TIMM23: variants seen among roughly 807,000 people sequenced by gnomAD.
TIMM23 encodes translocase of inner mitochondrial membrane 23.
A neutral mutation model predicts 30.7 loss-of-function variants in TIMM23; 19 were observed. The observed-to-expected ratio is 0.62, with a 90% CI of 0.43 to 0.91. The LOEUF (loss-of-function observed/expected upper bound fraction) is 0.91, where lower values mean the gene tolerates loss of function less well. Among genes scored for constraint, TIMM23 ranks in the 40% least tolerant of loss-of-function variants. The pLI is 0.00. For synonymous variants in TIMM23, 78 were observed against 98.5 expected, an observed-to-expected ratio of 0.79 and a Z score of 1.23; for missense variants, 202 against 269.2, an observed-to-expected ratio of 0.75 and a Z score of 1.75.
intron 6 of TIMM23, among the ~76,000 whole-genome samples, chr10:45,993,000 A>G (rs1355864773): frequency 6.6e-6 from 1 of 152,108 alleles, no homozygotes; most frequent in East Asian, 1.9e-4. Context: ...TCCTAGAACA[A>G]TCCTTCCAGA....
At chr10:45,989,557 T>A (rs1283125753) in intron 6 of TIMM23, among the ~76,000 whole-genome samples, 19 of 152,218 alleles carry the variant, frequency 1.2e-4, no homozygotes, top group African/African-American at 4.6e-4. Flanking sequence ...TATAAGATTC[T>A]TTTCTGTATT....
intron 3 of TIMM23, 72 bp from the exon 4 acceptor site, chr10:45,982,774 G>A: frequency 6.2e-6 from 10 of 1,606,012 alleles, no homozygotes; most frequent in Non-Finnish European, 8.5e-6. Flanking sequence ...CAGAAGTGTA[G>A]TTATGCAGAT....
intron 4 of TIMM23, among the ~76,000 whole-genome samples, chr10:45,984,184 T>A (rs1426771377): frequency 7.2e-5 from 11 of 152,180 alleles, no homozygotes; most frequent in African/African-American, 2.7e-4. Context: ...TTTGAATATA[T>A]AAAAGTAGAC....
In TIMM23 at chr10:45,974,297, G is replaced by C. The variant is rs1490303615; in HGVS notation, c.107-1157G>C. ...TGTAAAGGGAATAAAGCAGAGTCTTGAGATTGTGATGGAAGCAGGATGCCA... is the reference window on the plus strand; with the variant it reads ...TGTAAAGGGAATAAAGCAGAGTCTTCAGATTGTGATGGAAGCAGGATGCCA... On this transcript the variant is annotated intron_variant, in intron 1 of 6. Transcript: ENST00000580018. Among the ~76,000 whole-genome samples, 724 of 152,294 alleles carry C rather than the reference G, an allele frequency of 4.8e-3. 5 individuals carry two copies. The highest frequency in any genetic ancestry group is 0.019 in the East Asian group (98 of 5,190).
intron 6 of TIMM23, among the ~76,000 whole-genome samples, chr10:45,993,307 A>G (rs1294567216): frequency 1.4e-5 from 2 of 145,068 alleles, no homozygotes; most frequent in Admixed American, 7.2e-5. Context: ...GTGCAATGGC[A>G]TGATCTCGGC....
chr10:45,990,205 C>T (rs1256389212), intron 6 of TIMM23, among the ~76,000 whole-genome samples: 2 of 151,600 alleles, frequency 1.3e-5, no homozygotes, highest in South Asian at 2.1e-4. Context: ...TCACTGCAAC[C>T]TCCACCTCCT....
intron 4 of TIMM23, among the ~76,000 whole-genome samples, chr10:45,985,018 A>G (rs1393700509): frequency 2.0e-5 from 3 of 152,218 alleles, no homozygotes; most frequent in East Asian, 1.9e-4. Context: ...CATTTTTTAC[A>G]TAGATTAGTT....
At chr10:45,975,345 G>A (rs1837635246) in intron 1 of TIMM23, 109 bp from the exon 2 acceptor site, 13 of 1,449,128 alleles carry the variant, frequency 9.0e-6, no homozygotes, top group Non-Finnish European at 1.2e-5. Context: ...TCCGCCTTCA[G>A]TGAGCCTATA....
chr10:45,997,353 C>T (rs957735968), intron 6 of TIMM23, among the ~76,000 whole-genome samples: 7 of 151,910 alleles, frequency 4.6e-5, no homozygotes, highest in Non-Finnish European at 1.0e-4. Flanking sequence ...TGGTGTGATT[C>T]TACTAATGTG....
chr10:45,974,789 G>A (rs1287046648), intron 1 of TIMM23, among the ~76,000 whole-genome samples: 5 of 152,178 alleles, frequency 3.3e-5, no homozygotes, highest in African/African-American at 1.2e-4. Context: ...TGAAAAGATA[G>A]AGGCATGGGT....
chr10:45,983,887 G>A (rs1837922754), intron 4 of TIMM23, among the ~76,000 whole-genome samples: 1 of 152,118 alleles, frequency 6.6e-6, no homozygotes, highest in South Asian at 2.1e-4. Context: ...GGGACTACAG[G>A]CACATGCCAC....
chr10:45,987,343 T>C (rs1838019282), intron 5 of TIMM23, among the ~76,000 whole-genome samples: 2 of 152,176 alleles, frequency 1.3e-5, no homozygotes, highest in African/African-American at 4.8e-5. Context: ...TAATCTCTCT[T>C]GCAGTGGACA....
At chr10:45,975,030 T>C (rs1294886326) in intron 1 of TIMM23, among the ~76,000 whole-genome samples, 2 of 152,126 alleles carry the variant, frequency 1.3e-5, no homozygotes, top group African/African-American at 4.8e-5. Context: ...AGATACAACA[T>C]GTACACAGTC....
intron 6 of TIMM23, among the ~76,000 whole-genome samples, chr10:45,994,746 C>T (rs1838277592): frequency 6.7e-6 from 1 of 149,326 alleles, no homozygotes; most frequent in Admixed American, 6.7e-5. Flanking sequence ...CCGGCCCCCT[C>T]TTTTTTTAAA....
At chr10:45,975,233 A>G (rs1349541027) in intron 1 of TIMM23, among the ~76,000 whole-genome samples, 1 of 152,224 alleles carries the variant, frequency 6.6e-6, no homozygotes, top group Non-Finnish European at 1.5e-5. Context: ...TATTGGTGTA[A>G]AAGCCTGAGC....
chr10:45,981,901 G>A (rs1168528249), intron 2 of TIMM23, among the ~76,000 whole-genome samples: 52 of 152,216 alleles, frequency 3.4e-4, no homozygotes, highest in African/African-American at 1.2e-3. Context: ...TTGCTCTTAA[G>A]AGTGTCATTT....
chr10:45,990,429 A>G (rs1838130265), intron 6 of TIMM23, among the ~76,000 whole-genome samples: 1 of 138,108 alleles, frequency 7.2e-6, no homozygotes, highest in African/African-American at 2.7e-5. Flanking sequence ...GCTTATTTTA[A>G]TTTTTTTTTT....
intron 1 of TIMM23, 41 bp downstream of exon 1, chr10:45,972,771 T>G (rs34186905): frequency 6.2e-7 from 1 of 1,610,314 alleles, no homozygotes; most frequent in Middle Eastern, 1.7e-4. Flanking sequence ...CTGACTGGTT[T>G]TTGCGTCTAC....
At chr10:45,994,549 C>T in intron 6 of TIMM23, among the ~76,000 whole-genome samples, 1 of 110,218 alleles carries the variant, frequency 9.1e-6, no homozygotes, top group Non-Finnish European at 1.9e-5. Flanking sequence ...AAGTGATGCT[C>T]CCATCTCAGC....
Sources: gnomAD v4.1 joint callset for allele counts (sites outside exome capture counted in the v4.1 genomes callset) on GRCh38, gnomAD v4.1.1 for gene constraint, MANE v1.5 for transcripts, NCBI Gene and HGNC (gene_info 2026-07-23, HGNC 2026-07-21) for gene names.